PIGN: variants seen among roughly 807,000 people sequenced by gnomAD.
The protein encoded by PIGN is GPI ethanolamine phosphate transferase 1.
Under a neutral mutation model 125.4 loss-of-function variants are expected in PIGN, and 117 were observed. That is an observed-to-expected ratio of 0.93 (90% CI 0.80 to 1.09). The LOEUF (loss-of-function observed/expected upper bound fraction) is 1.09, where lower values mean the gene tolerates loss of function less well. PIGN is among the 50% of genes least tolerant of loss of function. The pLI is 0.00. For synonymous variants in PIGN, 392 were observed against 377.8 expected (o/e 1.04, Z -0.44); for missense variants, 1,075 against 1,094.9 (o/e 0.98, Z 0.26).
In PIGN at chr18:62,176,525, T is replaced by C. The variant is rs1312178671; in HGVS notation, c.-236+10319A>G. On this transcript the variant is annotated intron_variant, in intron 1 of 30. Transcript: ENST00000640252. Reference sequence around the variant, plus strand: ...AAGTGGTCATGGTTAACACAACCAATAGTAAGACATACTAACATCATGTAA... The same window carrying C: ...AAGTGGTCATGGTTAACACAACCAACAGTAAGACATACTAACATCATGTAA... Among the ~76,000 whole-genome samples the C allele has an allele frequency of 3.3e-5, 5 of 152,104 alleles. No individual in the cohort carries two copies. In the East Asian group the frequency reaches 9.6e-4, roughly 29 times the overall value.
intron 30 of PIGN, among the ~76,000 whole-genome samples, chr18:62,055,209 G>A (rs1184556929): frequency 6.6e-6 from 1 of 152,130 alleles, no homozygotes; most frequent in African/African-American, 2.4e-5. Flanking sequence ...AATGTTTATA[G>A]GATCTTTATT....
chr18:62,126,689 C>T (rs1275315569), intron 14 of PIGN, among the ~76,000 whole-genome samples: 1 of 152,132 alleles, frequency 6.6e-6, no homozygotes, highest in Non-Finnish European at 1.5e-5. Context: ...AGCCTCACAG[C>T]ATCAATTAAT....
At chr18:62,109,146 G>A (rs1794855438) in intron 17 of PIGN, among the ~76,000 whole-genome samples, 1 of 152,116 alleles carries the variant, frequency 6.6e-6, no homozygotes, top group Non-Finnish European at 1.5e-5. Flanking sequence ...AATAAGATCT[G>A]CAACATGACT....
intron 27 of PIGN, among the ~76,000 whole-genome samples, chr18:62,083,901 C>T (rs1457347699): frequency 1.3e-5 from 2 of 152,140 alleles, no homozygotes; most frequent in South Asian, 2.1e-4. Flanking sequence ...ATTAGGTAAT[C>T]GGATTTTAGG....
Position 62,162,275 on chromosome 18 carries a change from G to A in PIGN, c.-55C>T, listed in dbSNP as rs1348331064. 2.0e-5 allele frequency: 3 copies of A among 151,944 alleles called. No individual in the cohort carries two copies. Among genetic ancestry groups the A allele is most frequent in the South Asian group, 2.1e-4 (1 of 4,816 alleles). 9.4% of individuals were successfully genotyped at this position (151,944 alleles called of 1,614,324 possible). ...TACCATTAAATTGCCAAGATCAAAC[G>A]GAACATGGGAGTACTTTCCAAGCCA... On this transcript the variant is annotated 5_prime_UTR_variant, in exon 3 of 31. Transcript: ENST00000640252.
intron 23 of PIGN, among the ~76,000 whole-genome samples, chr18:62,033,772 CTA>C (rs1403553326): frequency 6.6e-6 from 1 of 152,206 alleles, no homozygotes; most frequent in African/African-American, 2.4e-5. Context: ...GCTGTATCAT[CTA>C]TACCCATACT....
At chr18:62,035,175 T>C (rs1397805935) in intron 23 of PIGN, among the ~76,000 whole-genome samples, 1 of 152,200 alleles carries the variant, frequency 6.6e-6, no homozygotes, top group Non-Finnish European at 1.5e-5. Flanking sequence ...TCCACCATGA[T>C]TGTGAGGCCT....
intron 20 of PIGN, chr18:62,103,756 C>T (rs2146367158): frequency 6.6e-6 from 1 of 152,218 alleles, no homozygotes; most frequent in Non-Finnish European, 1.5e-5. Flanking sequence ...CAGAAAAATG[C>T]TTGATGGTTG....
chr18:62,036,826 C>T (rs1165073291), downstream of PIGN, among the ~76,000 whole-genome samples: 1 of 152,198 alleles, frequency 6.6e-6, no homozygotes, highest in African/African-American at 2.4e-5. Context: ...CTGCCCATAA[C>T]TTTCATTGCT....
chr18:62,074,814 G>A lies in PIGN; in HGVS notation c.2584C>T (p.Leu862Phe). 1 of 1,602,718 alleles carries A rather than the reference G, an allele frequency of 6.2e-7. No individual in the cohort carries two copies. ...ATGTCTGATATGACGAGAACAATGA[G>A]AAAAAGGCTGGAAAAAAAAAGAAGG... Reference protein sequence around the residue: ...TTQLSSKSLFLIVLVISDIMA... With the variant: ...TTQLSSKSLFFIVLVISDIMA... Residue 862 changes from leucine (L) to phenylalanine (F), a missense_variant, in exon 29 of 31, where the codon CTC becomes TTC. Physicochemically the swap from Leu to Phe is conservative, Grantham distance 22. This residue lies in a region of PIGN where 915 missense variants were observed against 908.7 expected (regional missense o/e 1.01). Transcript: ENST00000640252.
At position 62,175,069 on chromosome 18, in the gene PIGN, T is replaced by A. The variant is rs1267551635; in HGVS notation, c.-235-11413A>T. The stretch of plus-strand genomic sequence containing the variant: ...AATATATATTTTTATATATAATAAA[T>A]ATATATATTTAATATATCTAATATA... On this transcript the variant is annotated intron_variant, in intron 1 of 30. Transcript: ENST00000640252. 8.5e-4 allele frequency among the ~76,000 whole-genome samples: 81 copies of A among 95,740 alleles called. No homozygotes were observed. The East Asian group carries it at 0.031, about 37-fold the overall frequency. The allele number at this position is 95,740 out of a possible 152,430, so 62.8% of individuals were successfully genotyped here.
chr18:62,061,511 CAAAAAAAAAA>C (rs373391589), intron 30 of PIGN, among the ~76,000 whole-genome samples: 184 of 33,224 alleles, frequency 5.5e-3, no homozygotes, highest in African/African-American at 0.014. Flanking sequence ...GACTCCGTCT[CAAAAAAAAAA>C]AAAAAAAAAA....
chr18:62,146,807 A>G (rs1252968863), intron 9 of PIGN, among the ~76,000 whole-genome samples, 164 bp downstream of exon 9: 1 of 152,158 alleles, frequency 6.6e-6, no homozygotes, highest in Non-Finnish European at 1.5e-5. Flanking sequence ...ATATTTTTTT[A>G]TAAGATCAGT....
chr18:62,091,847 A>G (rs1017472657), intron 23 of PIGN, among the ~76,000 whole-genome samples: 2 of 152,170 alleles, frequency 1.3e-5, no homozygotes, highest in East Asian at 3.8e-4. Context: ...TTTGAAAACC[A>G]AGTCTGTCTG....
At chr18:62,182,675 T>C (rs2037758848) in intron 1 of PIGN, among the ~76,000 whole-genome samples, 1 of 152,190 alleles carries the variant, frequency 6.6e-6, no homozygotes, top group African/African-American at 2.4e-5. Context: ...AGCCAGAGTA[T>C]TACTTGCTTT....
chr18:62,146,886 A>G, intron 9 of PIGN, 85 bp downstream of exon 9: 1 of 1,390,320 alleles, frequency 7.2e-7, no homozygotes, highest in Non-Finnish European at 1.0e-6. Flanking sequence ...AAGACATCTA[A>G]TCCTCTCAAC....
chr18:62,161,119 G>A lies in PIGN; in HGVS notation c.221+14C>T, dbSNP rs1397236611. ...CATTTTAAGAGATGTCTCTGTATCAGTTTACATGCTTACCTAATAAACGGT... is the reference window on the plus strand; with the variant it reads ...CATTTTAAGAGATGTCTCTGTATCAATTTACATGCTTACCTAATAAACGGT... On this transcript the variant is annotated intron_variant, in intron 4 of 30. Transcript: ENST00000640252. 2 of 1,542,302 alleles carry A rather than the reference G, an allele frequency of 1.3e-6. No individual in the cohort carries two copies. Among genetic ancestry groups the A allele is most frequent in the Non-Finnish European group, 9.0e-7 (1 of 1,116,824 alleles).
rs921827990 is a variant in PIGN, at chr18:62,043,263, C to G, written c.*2593G>C. 1.3e-5 allele frequency: 2 copies of G among 152,114 alleles called. No homozygotes were observed. Among genetic ancestry groups the G allele is most frequent in the African/African-American group, 2.4e-5 (1 of 41,424 alleles). The allele number at this position is 152,114 out of a possible 1,614,324, so 9.4% of individuals were successfully genotyped here. The stretch of plus-strand genomic sequence containing the variant: ...AGGTTCTCCCAAGGACAGGGTGGCC[C>G]TGCAACAGCTACGCCTGTCCTAGAG... On this transcript the variant is annotated 3_prime_UTR_variant, in exon 31 of 31. Transcript: ENST00000640252.
At chr18:62,026,438 A>C (rs899679315) in intron 23 of PIGN, among the ~76,000 whole-genome samples, 4 of 152,204 alleles carry the variant, frequency 2.6e-5, no homozygotes, top group African/African-American at 9.7e-5. Context: ...GAACAGGTGA[A>C]AATTTCATTC....
Sources: gnomAD v4.1 joint callset for allele counts (sites outside exome capture counted in the v4.1 genomes callset) on GRCh38, gnomAD v4.1.1 for gene constraint, gnomAD v4.1.1 regional missense constraint, MANE v1.5 for transcripts, NCBI Gene and HGNC (gene_info 2026-07-23, HGNC 2026-07-21) for gene names.